The following FILIP1 variants were observed in gnomAD, a reference collection of about 807,000 sequenced individuals.
FILIP1 encodes the protein filamin-A-interacting protein 1.
A neutral mutation model predicts 102.1 loss-of-function variants in FILIP1; 61 were observed. The observed-to-expected ratio is 0.60, with a 90% confidence interval of 0.49 to 0.74. The LOEUF is 0.74. Ranked by LOEUF, FILIP1 falls within the 30% of genes least tolerant of loss-of-function variation. FILIP1 has a pLI of 0.00. For missense variants in FILIP1, 1,314 were observed against 1,441.2 expected (o/e 0.91, Z 1.43); for synonymous variants, 491 against 526.9 (o/e 0.93, Z 0.93).
chr6:75,417,708 C>A (rs1159004872), intron 1 of FILIP1, among the ~76,000 whole-genome samples: 1 of 152,198 alleles, frequency 6.6e-6, no homozygotes, highest in African/African-American at 2.4e-5. Context: ...ATAGATGAAG[C>A]TACTGAGGTT....
At chr6:75,393,464 A>G (rs143624093) in intron 2 of FILIP1, among the ~76,000 whole-genome samples, 3 of 152,306 alleles carry the variant, frequency 2.0e-5, no homozygotes, top group East Asian at 3.9e-4. Flanking sequence ...AAAAAAGAAT[A>G]TTTGGGAAAA....
chr6:75,452,984 C>T (rs1208974402), intron 1 of FILIP1, among the ~76,000 whole-genome samples: 2 of 152,162 alleles, frequency 1.3e-5, no homozygotes, highest in Admixed American at 6.5e-5. Context: ...AAACCTTAGT[C>T]TCCATTGATA....
At chr6:75,381,174 C>T (rs1273358465) in intron 2 of FILIP1, among the ~76,000 whole-genome samples, 1 of 152,056 alleles carries the variant, frequency 6.6e-6, no homozygotes, top group Non-Finnish European at 1.5e-5. Context: ...AGTGATGACA[C>T]TGAGAATGCA....
At chr6:75,383,598 G>A (rs1370146375) in intron 2 of FILIP1, among the ~76,000 whole-genome samples, 2 of 152,150 alleles carry the variant, frequency 1.3e-5, no homozygotes, top group African/African-American at 2.4e-5. Context: ...ATAATTTGAA[G>A]TGGATCATTT....
At chr6:75,399,775 G>GAAT (rs1776591681) in intron 2 of FILIP1, among the ~76,000 whole-genome samples, 1 of 152,086 alleles carries the variant, frequency 6.6e-6, no homozygotes, top group African/African-American at 2.4e-5. Flanking sequence ...AGCACAAGAA[G>GAAT]GTCACATGGG....
exon 7 of FILIP1, chr6:75,295,937 A>G: frequency 6.8e-7 from 1 of 1,467,012 alleles, no homozygotes; most frequent in South Asian, 1.4e-5. Context: ...GTAACTGGTG[A>G]ATGATGATGC....
chr6:75,294,888 T>A (rs1772631062), exon 7 of FILIP1: 1 of 145,502 alleles, frequency 6.9e-6, no homozygotes, highest in African/African-American at 2.6e-5. Flanking sequence ...TTTTTTTTTT[T>A]TTTTAAGACT....
chr6:75,337,160 C>A (rs936457432), intron 4 of FILIP1, among the ~76,000 whole-genome samples: 2 of 152,062 alleles, frequency 1.3e-5, no homozygotes, highest in South Asian at 2.1e-4. Flanking sequence ...GAAATGTATA[C>A]CCCAATGTAA....
At chr6:75,326,065 AGAT>A (rs1476438316) in intron 4 of FILIP1, among the ~76,000 whole-genome samples, 6 of 148,396 alleles carry the variant, frequency 4.0e-5, no homozygotes, top group Non-Finnish European at 5.9e-5. Flanking sequence ...GACAGATGAT[AGAT>A]GATAGATAGA....
chr6:75,450,172 C>T (rs966132610), intron 1 of FILIP1, among the ~76,000 whole-genome samples: 1 of 152,054 alleles, frequency 6.6e-6, no homozygotes, highest in African/African-American at 2.4e-5. Context: ...GTGGAGGGAT[C>T]TTGCTATGTT....
chr6:75,440,679 G>A (rs943100884), intron 1 of FILIP1, among the ~76,000 whole-genome samples: 3 of 152,104 alleles, frequency 2.0e-5, no homozygotes, highest in African/African-American at 4.8e-5. Context: ...ATGACAGGCC[G>A]GACGCAGTGG....
At chr6:75,454,350 C>T (rs1778746314) in intron 1 of FILIP1, among the ~76,000 whole-genome samples, 1 of 152,126 alleles carries the variant, frequency 6.6e-6, no homozygotes, top group Non-Finnish European at 1.5e-5. Context: ...TCTGATTTTC[C>T]CTTTTGCAGC....
Position 75,360,069 on chromosome 6 carries a change from C to A in FILIP1, c.450+2675G>T, listed in dbSNP as rs560053696. Among the ~76,000 whole-genome samples, 14 of 152,318 alleles carry A rather than the reference C, an allele frequency of 9.2e-5. No homozygotes were observed. In the South Asian group the frequency reaches 2.9e-3, roughly 32 times the overall value. On this transcript the variant is annotated intron_variant, in intron 3 of 5. Coordinates refer to ENST00000237172, the MANE Select transcript of FILIP1 (RefSeq NM_015687.5). ...CAGACAGGCTCCACCTAACCTCGAGCTTGCCATTTCCCATAATTATTAAGC... is the reference window on the plus strand; with the variant it reads ...CAGACAGGCTCCACCTAACCTCGAGATTGCCATTTCCCATAATTATTAAGC...
chr6:75,388,063 G>T (rs1443568904), intron 2 of FILIP1, among the ~76,000 whole-genome samples: 1 of 152,084 alleles, frequency 6.6e-6, no homozygotes, highest in Non-Finnish European at 1.5e-5. Context: ...TTTTGTATAA[G>T]GTGTAAGGAA....
intron 2 of FILIP1, among the ~76,000 whole-genome samples, chr6:75,381,572 G>T (rs980398087): frequency 3.3e-5 from 5 of 152,078 alleles, no homozygotes; most frequent in Non-Finnish European, 5.9e-5. Flanking sequence ...CAGCTCAAAG[G>T]ACTAAATTTC....
At chr6:75,489,631 A>G (rs368794922) in intron 1 of FILIP1, among the ~76,000 whole-genome samples, 3 of 152,104 alleles carry the variant, frequency 2.0e-5, no homozygotes, top group African/African-American at 7.2e-5. Flanking sequence ...AAACTGAGAC[A>G]CAGAGATTAA....
At position 75,441,907 on chromosome 6, in the gene FILIP1, G is replaced by A. The variant is rs565238559; in HGVS notation, c.-6-26929C>T. 7.5e-5 allele frequency among the ~76,000 whole-genome samples: 11 copies of A among 146,820 alleles called. No individual in the cohort carries two copies. The East Asian group carries it at 1.5e-3, about 20-fold the overall frequency. On this transcript the variant is annotated intron_variant, in intron 1 of 5. Coordinates refer to ENST00000237172, the MANE Select transcript of FILIP1 (RefSeq NM_015687.5). The stretch of plus-strand genomic sequence containing the variant: ...GGGTAGACCCCCCCACCTCCCTCCC[G>A]GACGGGGCGGCTGGCCGGGCGGGGG...
At chr6:75,352,425 G>GA (rs1444502215) in intron 4 of FILIP1, among the ~76,000 whole-genome samples, 1 of 151,586 alleles carries the variant, frequency 6.6e-6, no homozygotes, top group Non-Finnish European at 1.5e-5. Context: ...AAGATACTGG[G>GA]AAAAAAAACA....
intron 2 of FILIP1, among the ~76,000 whole-genome samples, chr6:75,375,997 G>T (rs1176497125): frequency 2.0e-5 from 3 of 152,234 alleles, no homozygotes; most frequent in Admixed American, 6.5e-5. Flanking sequence ...AATTTTAAGG[G>T]TTTGGGCACA....
Sources: gnomAD v4.1 joint callset for allele counts (sites outside exome capture counted in the v4.1 genomes callset) on GRCh38, gnomAD v4.1.1 for gene constraint, MANE v1.5 for transcripts, NCBI Gene and HGNC (gene_info 2026-07-23, HGNC 2026-07-21) for gene names.